PIAS2: variants seen among roughly 807,000 people sequenced by gnomAD.
PIAS2 encodes the protein protein inhibitor of activated STAT 2.
A neutral mutation model predicts 69.7 loss-of-function variants in PIAS2; 19 were observed. That is an observed-to-expected ratio of 0.27 (90% CI 0.19 to 0.40). The LOEUF (loss-of-function observed/expected upper bound fraction) is 0.40, where lower values mean the gene tolerates loss of function less well. Among genes scored for constraint, PIAS2 ranks in the 10% least tolerant of loss-of-function variants. The probability of loss-of-function intolerance (pLI) is 1.00; values close to 1 mark genes in which losing one functional copy is unlikely to be tolerated. For missense variants in PIAS2, 624 were observed against 757.0 expected, an observed-to-expected ratio of 0.82 and a Z score of 2.06; for synonymous variants, 261 against 263.2, an observed-to-expected ratio of 0.99 and a Z score of 0.08.
intron 12 of PIAS2, chr18:46,817,356 G>T: frequency 1.0e-6 from 1 of 967,536 alleles, no homozygotes; most frequent in Non-Finnish European, 1.2e-6. Context: ...ATTAAAATAC[G>T]CAAGCTTGAT....
chr18:46,855,997 GTTTTTTT>G lies in PIAS2; in HGVS notation c.585-389_585-383del, dbSNP rs1171297653. Among the ~76,000 whole-genome samples, 5 of 67,964 alleles carry G rather than the reference GTTTTTTT, an allele frequency of 7.4e-5. No individual in the cohort carries two copies. In the East Asian group the frequency reaches 1.6e-3, roughly 21 times the overall value. 44.6% of individuals were successfully genotyped at this position (67,964 alleles called of 152,430 possible). A position where few individuals can be genotyped will look rare whatever the true frequency, so the allele number is the denominator to read the frequency against. On this transcript the variant is annotated intron_variant, in intron 3 of 13. Coordinates refer to ENST00000585916, the MANE Select transcript of PIAS2 (RefSeq NM_004671.5). ...TTGAAGACTTTTTTCTTTTTCTTTT[GTTTTTTT>G]TTTTTTTTTTTTTTTTTTTGAGACA...
At position 46,876,821 on chromosome 18, in the gene PIAS2, C is replaced by T. The variant is rs1281770693; in HGVS notation, c.500-12573G>A. Among the ~76,000 whole-genome samples, 5 of 151,962 alleles carry T rather than the reference C, an allele frequency of 3.3e-5. 1 individual carries two copies. The highest frequency in any genetic ancestry group is 7.3e-5 in the African/African-American group (3 of 41,366). ...ACACCATTCTCCCGCCTCAGCCTCC[C>T]GAGTAGCTGGGACTACAGGTGACTG... On this transcript the variant is annotated intron_variant, in intron 2 of 13. Transcript: ENST00000585916.
intron 12 of PIAS2, chr18:46,816,179 T>C: frequency 1.0e-6 from 1 of 985,300 alleles, no homozygotes. Context: ...TTCTATTCAA[T>C]TCCGTGAATT....
chr18:46,910,152 G>A (rs1269197505), intron 1 of PIAS2, among the ~76,000 whole-genome samples: 5 of 151,898 alleles, frequency 3.3e-5, no homozygotes, highest in East Asian at 1.9e-4. Flanking sequence ...GCAAAACTCC[G>A]TCTCAAAAAA....
chr18:46,917,193 C>G, intron 1 of PIAS2, 129 bp downstream of exon 1: 1 of 1,205,198 alleles, frequency 8.3e-7, no homozygotes, highest in Non-Finnish European at 1.0e-6. Flanking sequence ...CGTTCGTCCG[C>G]GGGCCGGGGC....
chr18:46,910,346 G>A (rs2057120468), intron 1 of PIAS2, among the ~76,000 whole-genome samples: 2 of 152,144 alleles, frequency 1.3e-5, no homozygotes, highest in Admixed American at 1.3e-4. Flanking sequence ...TAGTAAACTG[G>A]TTGGTAATTA....
chr18:46,901,297 T>C (rs1339623149), intron 1 of PIAS2: 2 of 355,946 alleles, frequency 5.6e-6, no homozygotes, highest in South Asian at 4.2e-5. Flanking sequence ...TACTCCCAGC[T>C]ACTCAGGAGG....
At chr18:46,828,238 C>G in intron 10 of PIAS2, 108 bp from the exon 11 acceptor site, 6 of 916,292 alleles carry the variant, frequency 6.5e-6, no homozygotes, top group Non-Finnish European at 9.2e-6. Flanking sequence ...CAACATATAG[C>G]CAGTGAAGCC....
intron 8 of PIAS2, among the ~76,000 whole-genome samples, chr18:46,842,710 C>A (rs902140341): frequency 3.3e-5 from 5 of 152,114 alleles, no homozygotes; most frequent in African/African-American, 1.2e-4. Flanking sequence ...CTGAAAAGAA[C>A]TCATGCCTGA....
At chr18:46,843,903 T>C in intron 8 of PIAS2, 151 bp downstream of exon 8, 2 of 503,828 alleles carry the variant, frequency 4.0e-6, no homozygotes, top group Admixed American at 3.3e-5. Flanking sequence ...ATACAAAGAA[T>C]TGTGACTTAA....
At chr18:46,881,461 G>A (rs1413176376) in intron 2 of PIAS2, among the ~76,000 whole-genome samples, 2 of 152,164 alleles carry the variant, frequency 1.3e-5, no homozygotes, top group East Asian at 1.9e-4. Context: ...AGATGCAATT[G>A]TATTTTATTC....
rs1383482058 is a variant in PIAS2 at position 46,917,302 on chromosome 18, C to G, written c.24+20G>C. On this transcript the variant is annotated intron_variant, in intron 1 of 13. Coordinates refer to ENST00000585916, the MANE Select transcript of PIAS2 (RefSeq NM_004671.5). Reference sequence around the variant, plus strand: ...CTCCCATCCCCTCCCCCGCGGCCTCCGCTCTCCACTCCCGCTTACCCTCAA... The same window carrying G: ...CTCCCATCCCCTCCCCCGCGGCCTCGGCTCTCCACTCCCGCTTACCCTCAA... 1.4e-5 allele frequency: 20 copies of G among 1,466,392 alleles called. No homozygotes were observed. Among genetic ancestry groups the G allele is most frequent in the Non-Finnish European group, 1.7e-5 (19 of 1,103,796 alleles). The allele number at this position is 1,466,392 out of a possible 1,614,324, so 90.8% of individuals were successfully genotyped here. A position where few individuals can be genotyped will look rare whatever the true frequency, so the allele number is the denominator to read the frequency against.
intron 1 of PIAS2, chr18:46,904,128 T>C (rs1599028921): frequency 6.6e-6 from 1 of 152,158 alleles, no homozygotes; most frequent in African/African-American, 2.4e-5. Context: ...CTTGTGGTGA[T>C]AAAATGGTCT....
At chr18:46,816,396 C>A (rs1056736427) in intron 12 of PIAS2, 1 of 984,120 alleles carries the variant, frequency 1.0e-6, no homozygotes, top group East Asian at 1.1e-4. Context: ...TCAAGTGATA[C>A]AAGCTATAGC....
intron 5 of PIAS2, among the ~76,000 whole-genome samples, chr18:46,848,252 G>A (rs1314032533): frequency 1.3e-5 from 2 of 152,184 alleles, no homozygotes; most frequent in African/African-American, 4.8e-5. Flanking sequence ...ATGTGTTAAT[G>A]GGGATACAAT....
intron 11 of PIAS2, among the ~76,000 whole-genome samples, chr18:46,826,491 A>C (rs1327556319): frequency 6.6e-6 from 1 of 152,198 alleles, no homozygotes; most frequent in African/African-American, 2.4e-5. Flanking sequence ...CTTGCAACTC[A>C]TGTTTTTCCA....
intron 1 of PIAS2, among the ~76,000 whole-genome samples, chr18:46,895,079 A>G (rs1370418797): frequency 6.6e-6 from 1 of 151,812 alleles, no homozygotes; most frequent in Non-Finnish European, 1.5e-5. Flanking sequence ...ATCTCGGAAA[A>G]AAAAAAAAAA....
intron 2 of PIAS2, among the ~76,000 whole-genome samples, chr18:46,884,809 C>T (rs912485300): frequency 6.6e-6 from 1 of 151,500 alleles, no homozygotes. Context: ...CCCAGCTACT[C>T]GGGAGGCTGA....
intron 8 of PIAS2, among the ~76,000 whole-genome samples, chr18:46,842,753 C>T (rs1011738442): frequency 6.6e-6 from 1 of 152,138 alleles, no homozygotes; most frequent in Non-Finnish European, 1.5e-5. Context: ...CAGAGGAAGT[C>T]GTGTGTCCTT....
Sources: allele counts gnomAD v4.1 joint callset (sites outside exome capture counted in the v4.1 genomes callset), GRCh38; gene constraint gnomAD v4.1.1; transcripts MANE v1.5; gene names NCBI Gene and HGNC (gene_info 2026-07-23, HGNC 2026-07-21).